TATDN1: variants seen among roughly 807,000 people sequenced by gnomAD.
The protein encoded by TATDN1 is TatD DNase domain containing 1, also known as deoxyribonuclease TATDN1.
In TATDN1, 40 loss-of-function variants were observed where a neutral mutation model predicts 46.4. The ratio of observed to expected loss-of-function variants is 0.86; its 90% CI spans 0.67 to 1.12. The LOEUF is 1.12. Ranked by LOEUF, TATDN1 falls within the 50% of genes most tolerant of loss-of-function variation. The probability of loss-of-function intolerance (pLI) is 0.00; values close to 1 mark genes in which losing one functional copy is unlikely to be tolerated. For missense variants in TATDN1, 326 were observed against 348.4 expected (o/e 0.94, Z 0.51); for synonymous variants, 95 against 105.6 (o/e 0.90, Z 0.62).
intron 4 of TATDN1, among the ~76,000 whole-genome samples, chr8:124,518,352 G>A (rs4871496): frequency 0.094 from 13,881 of 146,964 alleles, 952 homozygotes; most frequent in South Asian, 0.3. Context: ...GTGAAACCCC[G>A]TCTCTACTAA....
intron 1 of TATDN1, 163 bp from the exon 2 acceptor site, chr8:124,523,165 C>G (rs1412491975): frequency 9.8e-6 from 6 of 613,014 alleles, no homozygotes; most frequent in African/African-American, 5.6e-5. Context: ...ACATGGGATA[C>G]AAAGATGAAT....
intron 10 of TATDN1, 74 bp downstream of exon 10, chr8:124,495,398 C>T: frequency 8.5e-7 from 1 of 1,174,124 alleles, no homozygotes; most frequent in South Asian, 1.4e-5. Flanking sequence ...AGTTTGAAGT[C>T]AAATTTCTTT....
intron 3 of TATDN1, 73 bp from the exon 4 acceptor site, chr8:124,518,954 T>C: frequency 1.1e-6 from 1 of 934,554 alleles, no homozygotes; most frequent in South Asian, 1.4e-5. Flanking sequence ...CATGCCTTCC[T>C]ACCACTTCCT....
chr8:124,522,511 G>C lies in TATDN1; in HGVS notation c.89-311C>G, dbSNP rs190913930. On this transcript the variant is annotated intron_variant, in intron 2 of 11. Transcript: ENST00000276692. ...GGCTCACTGCAACTTCCACCTCCTG[G>C]GTTCAAGTGATTCTCGTGCCTTAGC... Among the ~76,000 whole-genome samples the C allele has an allele frequency of 5.3e-5, 8 of 152,056 alleles. No individual in the cohort carries two copies. In the East Asian group the frequency reaches 1.5e-3, roughly 29 times the overall value.
At chr8:124,489,843 T>G (rs1816805016) in intron 11 of TATDN1, 1 of 152,216 alleles carries the variant, frequency 6.6e-6, no homozygotes, top group Non-Finnish European at 1.5e-5. Context: ...TTAAATATTC[T>G]TTGCCTAAGC....
chr8:124,519,233 T>C (rs968590184), intron 3 of TATDN1, among the ~76,000 whole-genome samples: 5 of 152,232 alleles, frequency 3.3e-5, no homozygotes, highest in African/African-American at 9.7e-5. Flanking sequence ...ATAGTGTTGA[T>C]TGATTCAACA....
intron 11 of TATDN1, among the ~76,000 whole-genome samples, chr8:124,493,536 TTC>T (rs964528268): frequency 6.6e-6 from 1 of 152,226 alleles, no homozygotes; most frequent in African/African-American, 2.4e-5. Context: ...TATCCTTTTG[TTC>T]TGAGGCTTAA....
rs1816600655 is a variant in TATDN1 at position 124,488,524 on chromosome 8, T to C, written c.*70A>G. ...TTAGACAACTTGCAGATAATTTCTT[T>C]ATTGAAACTATCAGGAAGTTTTACT... On this transcript the variant is annotated 3_prime_UTR_variant, in exon 12 of 12. Transcript: ENST00000276692. 2.6e-6 allele frequency: 2 copies of C among 775,790 alleles called. No individual in the cohort carries two copies. The highest frequency in any genetic ancestry group is 1.8e-5 in the African/African-American group (1 of 56,622). The allele number at this position is 775,790 out of a possible 1,614,324, so 48.1% of individuals were successfully genotyped here. A position where few individuals can be genotyped will look rare whatever the true frequency, so the allele number is the denominator to read the frequency against.
chr8:124,515,074 G>A (rs992975063), intron 6 of TATDN1, among the ~76,000 whole-genome samples: 6 of 152,136 alleles, frequency 3.9e-5, no homozygotes, highest in African/African-American at 1.4e-4. Flanking sequence ...ACAGACGCAG[G>A]CTGCTGTGCC....
chr8:124,505,892 T>C (rs972556772), intron 8 of TATDN1, among the ~76,000 whole-genome samples: 1 of 151,858 alleles, frequency 6.6e-6, no homozygotes. Context: ...ATCGAAATCA[T>C]TTTAAAAGTG....
In TATDN1 at chr8:124,516,028, T is replaced by C. The variant is rs761724152; in HGVS notation, c.205A>G (p.Met69Val). 3.8e-6 allele frequency: 6 copies of C among 1,597,562 alleles called. No homozygotes were observed. The highest frequency in any genetic ancestry group is 3.6e-5 in the Admixed American group (2 of 56,288). ...TGACATCCAACTGTACTGAAAAACATACCTAACAGAAAATAATGTCTTAGG... is the reference window on the plus strand; with the variant it reads ...TGACATCCAACTGTACTGAAAAACACACCTAACAGAAAATAATGTCTTAGG... ...DALHLAQTNG[M>V]FFSTVGCHPT... Residue 69 changes from methionine to valine, a missense_variant and splice_region_variant, in exon 5 of 12, where the codon ATG becomes GTG. Coordinates refer to ENST00000276692, the MANE Select transcript of TATDN1 (RefSeq NM_032026.4).
chr8:124,496,913 A>G (rs1817512237), intron 9 of TATDN1, among the ~76,000 whole-genome samples: 1 of 152,226 alleles, frequency 6.6e-6, no homozygotes, highest in African/African-American at 2.4e-5. Context: ...TTAAAAGGAA[A>G]TTCCAGATGG....
At chr8:124,501,019 A>G (rs553142822) in intron 9 of TATDN1, among the ~76,000 whole-genome samples, 142 of 152,280 alleles carry the variant, frequency 9.3e-4, no homozygotes, top group African/African-American at 3.2e-3. Context: ...CCAAGAGAAG[A>G]TGGGGTTCCT....
intron 1 of TATDN1, among the ~76,000 whole-genome samples, chr8:124,528,420 G>A (rs376668083): frequency 3.9e-5 from 6 of 152,254 alleles, no homozygotes; most frequent in African/African-American, 9.6e-5. Flanking sequence ...TGATCCTCCC[G>A]CCTCGGCCTC....
At chr8:124,527,856 G>C (rs1004648586) in intron 1 of TATDN1, among the ~76,000 whole-genome samples, 1 of 150,958 alleles carries the variant, frequency 6.6e-6, no homozygotes, top group Non-Finnish European at 1.5e-5. Flanking sequence ...GGAATAGAGA[G>C]ATGGCAGGCC....
At position 124,494,308 on chromosome 8, in the gene TATDN1, G is replaced by C. The variant is rs548348082; in HGVS notation, c.665-349C>G. On this transcript the variant is annotated intron_variant, in intron 10 of 11. Transcript: ENST00000276692. ...CAAAATCTTTTTCGCTATGCATGTAGTGAGGTTTGCATAAGTTAAACAAAT... is the reference window on the plus strand; with the variant it reads ...CAAAATCTTTTTCGCTATGCATGTACTGAGGTTTGCATAAGTTAAACAAAT... 3 of 158,834 alleles carry C rather than the reference G, an allele frequency of 1.9e-5. No individual in the cohort carries two copies. In the South Asian group the frequency reaches 6.0e-4, roughly 32 times the overall value. The allele number at this position is 158,834 out of a possible 1,614,324, so 9.8% of individuals were successfully genotyped here.
intron 1 of TATDN1, among the ~76,000 whole-genome samples, chr8:124,535,721 C>G (rs572794738): frequency 6.6e-6 from 1 of 152,136 alleles, no homozygotes; most frequent in Non-Finnish European, 1.5e-5. Flanking sequence ...TAAAGGAATA[C>G]CTGAGACTGG....
intron 6 of TATDN1, among the ~76,000 whole-genome samples, chr8:124,509,044 T>C (rs1246267436): frequency 1.3e-5 from 2 of 152,186 alleles, no homozygotes; most frequent in African/African-American, 4.8e-5. Flanking sequence ...TTGCAACCAG[T>C]TTTTTATGTG....
intron 2 of TATDN1, among the ~76,000 whole-genome samples, chr8:124,522,427 T>C (rs1186004037): frequency 6.6e-6 from 1 of 152,224 alleles, no homozygotes; most frequent in African/African-American, 2.4e-5. Flanking sequence ...ATGAGTTCTT[T>C]TTTTTTGAGA....
Sources: gnomAD v4.1 joint callset for allele counts (sites outside exome capture counted in the v4.1 genomes callset) on GRCh38, gnomAD v4.1.1 for gene constraint, MANE v1.5 for transcripts, NCBI Gene and HGNC (gene_info 2026-07-23, HGNC 2026-07-21) for gene names.